ANTXRL: variants seen among roughly 807,000 people sequenced by gnomAD.
The protein encoded by ANTXRL is anthrax toxin receptor-like.
In ANTXRL, 63 loss-of-function variants were observed where a neutral mutation model predicts 75.4. The observed-to-expected ratio is 0.84, with a 90% CI of 0.68 to 1.03. The LOEUF is 1.03. ANTXRL is among the 50% of genes least tolerant of loss of function. The pLI is 0.00. For missense variants in ANTXRL, 797 were observed against 789.4 expected (o/e 1.01, Z -0.12); for synonymous variants, 335 against 291.3 (o/e 1.15, Z -1.53).
chr10:46,295,274 T>G (rs1334557679), intron 3 of ANTXRL, among the ~76,000 whole-genome samples: 15 of 152,138 alleles, frequency 9.9e-5, no homozygotes, highest in African/African-American at 3.4e-4. Context: ...GCAGGGCTGG[T>G]GGCTTAGCAG....
At chr10:46,301,380 A>C (rs782059155) in intron 9 of ANTXRL, among the ~76,000 whole-genome samples, 1 of 152,224 alleles carries the variant, frequency 6.6e-6, no homozygotes, top group African/African-American at 2.4e-5. Flanking sequence ...GCTGTCTCTC[A>C]CAGCCTCAGT....
chr10:46,297,415 G>T lies in ANTXRL; in HGVS notation c.595G>T (p.Ala199Ser), dbSNP rs1554959119. ...GCCTTCTTTCCCTTAGGCTCAAAAGGCTCGGAAACTGGGGGCCAACGTTTA... is the reference window on the plus strand; with the variant it reads ...GCCTTCTTTCCCTTAGGCTCAAAAGTCTCGGAAACTGGGGGCCAACGTTTA... ...FQDTLREAQK[A>S]RKLGANVYTL... The change falls in exon 7 of 17, where the codon GCT becomes TCT. Residue 199 changes from alanine to serine, a missense_variant. This residue lies in a region of ANTXRL where 262 missense variants were observed against 271.9 expected (regional missense o/e 0.96). Transcript: ENST00000620264. 2.0e-6 allele frequency: 3 copies of T among 1,535,918 alleles called. No homozygotes were observed. Among genetic ancestry groups the T allele is most frequent in the South Asian group, 1.2e-5 (1 of 84,042 alleles).
chr10:46,323,279 A>G (rs1037072423), intron 16 of ANTXRL, among the ~76,000 whole-genome samples: 1 of 152,130 alleles, frequency 6.6e-6, no homozygotes, highest in Non-Finnish European at 1.5e-5. Flanking sequence ...TTGGCATAGG[A>G]CCTATGAACA....
chr10:46,287,360 A>G lies in ANTXRL; in HGVS notation c.98A>G (p.His33Arg), dbSNP rs1836806814. The change falls in exon 1 of 17, where the codon CAT becomes CGT. Residue 33 changes from histidine (H) to arginine (R), a missense_variant. By Grantham distance (29) the His-to-Arg change is conservative. Coordinates refer to ENST00000620264, the MANE Select transcript of ANTXRL (RefSeq NM_001278688.3). Reference sequence around the variant, plus strand: ...TTTAGAGCAGGAAGCCTTCGGTACCATGGACCTGACTGGAGAATATTTCAC... The same window carrying G: ...TTTAGAGCAGGAAGCCTTCGGTACCGTGGACCTGACTGGAGAATATTTCAC... ...PLFRAGSLRY[H>R]GPDWRIFHRL... 3.3e-6 allele frequency: 5 copies of G among 1,535,882 alleles called. No individual in the cohort carries two copies. The highest frequency in any genetic ancestry group is 1.4e-5 in the African/African-American group (1 of 72,972).
chr10:46,313,205 A>C (rs533451913), intron 15 of ANTXRL, 31 bp from the exon 16 acceptor site: 1 of 1,529,952 alleles, frequency 6.5e-7, no homozygotes, highest in Non-Finnish European at 8.8e-7. Flanking sequence ...TCCAAGCTGC[A>C]TGTCTTCCTC....
intron 16 of ANTXRL, among the ~76,000 whole-genome samples, chr10:46,316,393 A>G (rs1838726416): frequency 6.6e-6 from 1 of 152,146 alleles, no homozygotes; most frequent in Non-Finnish European, 1.5e-5. Flanking sequence ...GAGGCCCTAC[A>G]AAGTTAGGTA....
chr10:46,306,535 G>GGTTTTTTTTTTTTTGT (rs1326454022), intron 10 of ANTXRL, among the ~76,000 whole-genome samples: 1 of 150,936 alleles, frequency 6.6e-6, no homozygotes, highest in African/African-American at 2.5e-5. Flanking sequence ...GTTTTGTCCT[G>GGTTTTTTTTTTTTTGT]TTTTTTATTT....
rs1468555129 is a variant in ANTXRL, at chr10:46,316,976, A to T, written c.1410+3660A>T. On this transcript the variant is annotated intron_variant, in intron 16 of 16. Coordinates refer to ENST00000620264, the MANE Select transcript of ANTXRL (RefSeq NM_001278688.3). ...GGGCATGTGAGTGCACACTGCAAGG[A>T]CATGACATCCTGTCCAGGGTTAGTT... 3.3e-5 allele frequency among the ~76,000 whole-genome samples: 5 copies of T among 152,174 alleles called. 1 individual carries two copies. Among genetic ancestry groups the T allele is most frequent in the African/African-American group, 1.2e-4 (5 of 41,416 alleles).
chr10:46,322,272 T>C lies in ANTXRL; in HGVS notation c.1411-7327T>C, dbSNP rs1044249812. 6.6e-5 allele frequency among the ~76,000 whole-genome samples: 10 copies of C among 152,096 alleles called. No individual in the cohort carries two copies. The East Asian group carries it at 1.9e-3, about 29-fold the overall frequency. ...CAGGAGTTTGAGACCAGCCTGGCCA[T>C]ATGGTGAAACCCCATCTCCATTAAA... On this transcript the variant is annotated intron_variant, in intron 16 of 16. Coordinates refer to ENST00000620264, the MANE Select transcript of ANTXRL (RefSeq NM_001278688.3).
intron 2 of ANTXRL, among the ~76,000 whole-genome samples, chr10:46,293,297 CCTGTGTGTGT>C (rs1837108169): frequency 2.7e-5 from 1 of 36,452 alleles, no homozygotes; most frequent in South Asian, 1.1e-3. Context: ...TGCGTGTGTG[CCTGTGTGTGT>C]GTGCGTGTGT....
chr10:46,329,758 A>G lies in ANTXRL; in HGVS notation c.1570A>G (p.Lys524Glu), dbSNP rs1175499745. The change falls in exon 17 of 17, where the codon AAA becomes GAA. Residue 524 changes from lysine (K) to glutamate (E), a missense_variant. Lys to Glu is a moderately conservative substitution (Grantham distance 56). Transcript: ENST00000620264. ...ACACAGCCGGGAGTGCCTCGCCCTC[A>G]AACAGGCTCGCTGCAGCCCAAACAT... ...LRHSRECLALKQARCSPNICL... is the reference protein window; with the variant it reads ...LRHSRECLALEQARCSPNICL... The G allele has an allele frequency of 6.5e-7, 1 of 1,534,302 alleles. No individual in the cohort carries two copies. Among genetic ancestry groups the G allele is most frequent in the African/African-American group, 1.4e-5 (1 of 72,136 alleles).
intron 16 of ANTXRL, among the ~76,000 whole-genome samples, chr10:46,313,821 G>A (rs1252971961): frequency 6.6e-5 from 10 of 152,154 alleles, no homozygotes; most frequent in Non-Finnish European, 1.3e-4. Flanking sequence ...GTTTGGTGAA[G>A]GGGACAAAAG....
intron 13 of ANTXRL, among the ~76,000 whole-genome samples, chr10:46,309,625 C>CAGT (rs1192330546): frequency 3.9e-5 from 6 of 152,312 alleles, no homozygotes; most frequent in African/African-American, 7.2e-5. Flanking sequence ...AAATGGAGGA[C>CAGT]GCTGTAACCC....
intron 8 of ANTXRL, 36 bp from the exon 9 acceptor site, chr10:46,297,966 C>A: frequency 6.5e-7 from 1 of 1,535,714 alleles, no homozygotes; most frequent in Non-Finnish European, 8.7e-7. Context: ...AGGAAGCTCA[C>A]TCTCCCTGTC....
intron 2 of ANTXRL, among the ~76,000 whole-genome samples, chr10:46,292,408 G>A (rs1477960190): frequency 1.3e-5 from 2 of 152,162 alleles, no homozygotes; most frequent in Non-Finnish European, 2.9e-5. Context: ...ACAATAGGCA[G>A]GGAAACCAGT....
intron 7 of ANTXRL, 100 bp from the exon 8 acceptor site, chr10:46,297,731 T>C: frequency 9.1e-7 from 1 of 1,103,888 alleles, no homozygotes. Context: ...GACATTCTGC[T>C]GCCCCCAAAG....
intron 1 of ANTXRL, among the ~76,000 whole-genome samples, chr10:46,288,673 T>C (rs1554955823): frequency 6.6e-6 from 1 of 152,100 alleles, no homozygotes. Flanking sequence ...GTATCTTCAT[T>C]TTCACCTTGC....
At chr10:46,294,332 G>A (rs1409658294) in intron 3 of ANTXRL, among the ~76,000 whole-genome samples, 1 of 152,148 alleles carries the variant, frequency 6.6e-6, no homozygotes, top group Non-Finnish European at 1.5e-5. Flanking sequence ...GGTGGTGGGA[G>A]TAGTGGGGCT....
intron 16 of ANTXRL, among the ~76,000 whole-genome samples, chr10:46,315,264 C>T (rs574877268): frequency 1.1e-4 from 17 of 152,366 alleles, no homozygotes; most frequent in Middle Eastern, 6.8e-3. Context: ...ATGTGACCTT[C>T]CTGCCTGAGC....
Sources: gnomAD v4.1 joint callset for allele counts (sites outside exome capture counted in the v4.1 genomes callset) on GRCh38, gnomAD v4.1.1 for gene constraint, gnomAD v4.1.1 regional missense constraint, MANE v1.5 for transcripts, NCBI Gene and HGNC (gene_info 2026-07-23, HGNC 2026-07-21) for gene names.